Variants in SMARCA1 observed in about 807,000 individuals in gnomAD.
SMARCA1 encodes SWI/SNF-related matrix-associated actin-dependent regulator of chromatin subfamily A member 1.
In SMARCA1, 17 loss-of-function variants were observed where a neutral mutation model predicts 93.6. The ratio of observed to expected loss-of-function variants is 0.18; its 90% CI spans 0.12 to 0.27. The LOEUF (loss-of-function observed/expected upper bound fraction) is 0.27, where lower values mean the gene tolerates loss of function less well. SMARCA1 is among the 10% of genes least tolerant of loss of function. SMARCA1 has a pLI of 1.00. For missense variants in SMARCA1, 630 were observed against 819.0 expected (o/e 0.77, Z 2.82); for synonymous variants, 271 against 271.4 (o/e 1.00, Z 0.01).
At chrX:129,461,918 TTTG>T (rs1932812300) in intron 23 of SMARCA1, among the ~76,000 whole-genome samples, 1 of 111,615 alleles carries the variant, frequency 9.0e-6, no homozygotes. Flanking sequence ...CATTTTCTCT[TTTG>T]TATAGCTAGC....
rs748884297 is a variant in SMARCA1, at chrX:129,498,087, A to G, written c.1278-16T>C. The G allele has an allele frequency of 8.6e-6, 8 of 927,758 alleles. No individual in the cohort carries two copies. Among genetic ancestry groups the G allele is most frequent in the Non-Finnish European group, 1.3e-5 (8 of 639,450 alleles). The allele number at this position is 927,758 out of a possible 1,213,427, so 76.5% of individuals were successfully genotyped here. On this transcript the variant is annotated splice_polypyrimidine_tract_variant and intron_variant, in intron 10 of 24. Coordinates refer to ENST00000371121, the MANE Select transcript of SMARCA1 (RefSeq NM_001282874.2). ...TTTTGTATACCTAAAAATTTAAACTATAATTAATCATCAATTACTAGAAAG... is the reference window on the plus strand; with the variant it reads ...TTTTGTATACCTAAAAATTTAAACTGTAATTAATCATCAATTACTAGAAAG...
chrX:129,523,112 C>T, intron 1 of SMARCA1, 85 bp downstream of exon 1: 1 of 1,048,729 alleles, frequency 9.5e-7, no homozygotes, highest in Non-Finnish European at 1.3e-6. Context: ...GGGTACCTGT[C>T]GGCGCCGAAA....
chrX:129,493,968 GTCT>G (rs1477324694), intron 12 of SMARCA1, among the ~76,000 whole-genome samples: 8 of 111,570 alleles, frequency 7.2e-5, no homozygotes, highest in African/African-American at 1.6e-4. Flanking sequence ...ATCAAACGTG[GTCT>G]TCTTCTTATT....
chrX:129,466,112 A>C (rs979867803), intron 21 of SMARCA1, 150 bp from the exon 22 acceptor site: 2 of 271,114 alleles, frequency 7.4e-6, no homozygotes, highest in African/African-American at 5.6e-5. Flanking sequence ...TAATATGTTA[A>C]ATTATTAAAT....
chrX:129,523,096 C>G, intron 1 of SMARCA1, 101 bp downstream of exon 1: 1 of 978,686 alleles, frequency 1.0e-6, no homozygotes. Context: ...CCCCGCAAAG[C>G]TCCGCGGGTA....
chrX:129,464,535 C>T (rs1186471227), intron 23 of SMARCA1, among the ~76,000 whole-genome samples: 1 of 112,337 alleles, frequency 8.9e-6, no homozygotes, highest in African/African-American at 3.2e-5. Flanking sequence ...AGAATAGGAA[C>T]ACAATTCACA....
rs1935489882 is a variant in SMARCA1 at position 129,523,328 on chromosome X, CGGCTGCCACGGT to C, written c.31_42del (p.Thr11_Ala14del). On this transcript the variant is annotated inframe_deletion, in exon 1 of 25. Coordinates refer to ENST00000371121, the MANE Select transcript of SMARCA1 (RefSeq NM_001282874.2). ...ACCACGATAGTGGCGGTCGCATCCGCGGCTGCCACGGTGGCTGCCACTGCGGCAGTGTCCTGC... is the reference window on the plus strand; with the variant it reads ...ACCACGATAGTGGCGGTCGCATCCGCGGCTGCCACTGCGGCAGTGTCCTGC... The C allele has an allele frequency of 8.4e-7, 1 of 1,196,639 alleles. No homozygotes were observed. Among genetic ancestry groups the C allele is most frequent in the Admixed American group, 2.2e-5 (1 of 45,341 alleles).
At chrX:129,505,634 CA>C (rs1934782251) in intron 8 of SMARCA1, among the ~76,000 whole-genome samples, 1 of 111,368 alleles carries the variant, frequency 9.0e-6, no homozygotes, top group Admixed American at 9.6e-5. Context: ...ATAAATAACA[CA>C]TTTACACAAT....
intron 12 of SMARCA1, among the ~76,000 whole-genome samples, chrX:129,494,836 T>TA (rs757647704): frequency 8.9e-5 from 10 of 112,601 alleles, no homozygotes; most frequent in Admixed American, 4.7e-4. Flanking sequence ...AAGTTGGTGC[T>TA]AAAATTCAGG....
chrX:129,518,776 G>A (rs145352573), intron 1 of SMARCA1: 3,484 of 125,391 alleles, frequency 0.028, 92 homozygotes, highest in East Asian at 0.14. Context: ...CATTAAATAA[G>A]AGATTTTAAA....
rs368869908 is a variant in SMARCA1 at position 129,465,928 on chromosome X, G to A, written c.2733C>T (p.Asp911=). 8.6e-7 allele frequency: 1 copy of A among 1,164,927 alleles called. No individual in the cohort carries two copies. Among genetic ancestry groups the A allele is most frequent in the East Asian group, 3.0e-5 (1 of 33,154 alleles). ...VFWERCNELQ[D]IEKIMAQIER... ...CAATTTGAGCCATAATTTTCTCAATGTCCTGTAATTCATTGCAACGTTCCC... is the reference window on the plus strand; with the variant it reads ...CAATTTGAGCCATAATTTTCTCAATATCCTGTAATTCATTGCAACGTTCCC... The change falls in exon 22 of 25, where the codon GAC becomes GAT. Residue 911 remains aspartate, a synonymous_variant. Transcript: ENST00000371121.
intron 7 of SMARCA1, among the ~76,000 whole-genome samples, chrX:129,507,071 T>C (rs773717382): frequency 1.1e-4 from 12 of 112,043 alleles, no homozygotes; most frequent in Non-Finnish European, 2.1e-4. Flanking sequence ...TAAAAAATTA[T>C]TCTCTAGCAT....
intron 16 of SMARCA1, among the ~76,000 whole-genome samples, chrX:129,488,526 T>G (rs1339902938): frequency 9.4e-6 from 1 of 106,086 alleles, no homozygotes; most frequent in Non-Finnish European, 1.9e-5. Context: ...GAGGATCACT[T>G]CAGCCCAGGA....
intron 23 of SMARCA1, among the ~76,000 whole-genome samples, chrX:129,458,215 A>G (rs941213642): frequency 8.9e-6 from 1 of 112,416 alleles, no homozygotes; most frequent in Non-Finnish European, 1.9e-5. Context: ...TGAATTTTGT[A>G]TCATTTTCAC....
At chrX:129,468,204 C>T (rs1006138206) in intron 21 of SMARCA1, among the ~76,000 whole-genome samples, 3 of 112,089 alleles carry the variant, frequency 2.7e-5, no homozygotes, top group Non-Finnish European at 5.6e-5. Flanking sequence ...TGATTCTGGT[C>T]GAGCTCAACA....
chrX:129,499,991 C>T (rs759198998), intron 9 of SMARCA1, 150 bp from the exon 10 acceptor site: 2 of 300,170 alleles, frequency 6.7e-6, no homozygotes, highest in African/African-American at 5.5e-5. Flanking sequence ...TGGTAAAGAA[C>T]CACCAAGTAA....
At chrX:129,506,330 T>C in intron 7 of SMARCA1, 119 bp from the exon 8 acceptor site, 4 of 541,679 alleles carry the variant, frequency 7.4e-6, no homozygotes, top group East Asian at 6.7e-5. Flanking sequence ...AAATTTTCTA[T>C]GGAAAAATAC....
intron 21 of SMARCA1, 38 bp from the exon 22 acceptor site, chrX:129,466,000 T>A (rs770879769): frequency 4.4e-6 from 3 of 678,473 alleles, no homozygotes; most frequent in Non-Finnish European, 6.7e-6. Flanking sequence ...TCCTATCATT[T>A]AAGCAAATAA....
At chrX:129,480,863 G>C in intron 18 of SMARCA1, 49 bp from the exon 19 acceptor site, 1 of 782,624 alleles carries the variant, frequency 1.3e-6, no homozygotes, top group South Asian at 2.6e-5. Flanking sequence ...AGTACATGAA[G>C]TAAACTTACT....
Sources: allele counts gnomAD v4.1 joint callset (sites outside exome capture counted in the v4.1 genomes callset), GRCh38; gene constraint gnomAD v4.1.1; transcripts MANE v1.5; gene names NCBI Gene and HGNC (gene_info 2026-07-23, HGNC 2026-07-21).